Variants in EEF2K observed in about 807,000 individuals in gnomAD.
EEF2K encodes the protein eukaryotic elongation factor 2 kinase.
A neutral mutation model predicts 93.8 loss-of-function variants in EEF2K; 70 were observed. That is an observed-to-expected ratio of 0.75 (90% CI 0.62 to 0.91). EEF2K has a LOEUF of 0.91. Among genes scored for constraint, EEF2K ranks in the 40% least tolerant of loss-of-function variants. The pLI, the probability that EEF2K is intolerant of heterozygous loss-of-function variation, is 0.00. For synonymous variants in EEF2K, 376 were observed against 380.8 expected (o/e 0.99, Z 0.15); for missense variants, 935 against 972.9 (o/e 0.96, Z 0.52).
At chr16:22,250,747 A>G in intron 5 of EEF2K, 56 bp downstream of exon 5, 1 of 1,609,780 alleles carries the variant, frequency 6.2e-7, no homozygotes, top group Non-Finnish European at 8.5e-7. Context: ...CAGGCTCCTA[A>G]GAGCTGAGGC....
intron 1 of EEF2K, among the ~76,000 whole-genome samples, chr16:22,208,760 T>G (rs1278441769): frequency 1.3e-5 from 2 of 151,996 alleles, no homozygotes; most frequent in Admixed American, 6.6e-5. Context: ...AATCTCTGAT[T>G]TGCTTTTAAA....
intron 12 of EEF2K, among the ~76,000 whole-genome samples, chr16:22,263,480 A>G (rs993351033): frequency 6.6e-6 from 1 of 152,176 alleles, no homozygotes; most frequent in African/African-American, 2.4e-5. Flanking sequence ...ATGGTGGTGC[A>G]TGCCTGTAAT....
At chr16:22,210,042 G>A (rs1218458491) in intron 1 of EEF2K, among the ~76,000 whole-genome samples, 1 of 152,190 alleles carries the variant, frequency 6.6e-6, no homozygotes. Context: ...CGATTCTTCT[G>A]TCTGGGCCTC....
chr16:22,258,968 AAG>A (rs747709134), intron 10 of EEF2K: 13 of 373,574 alleles, frequency 3.5e-5, no homozygotes, highest in Admixed American at 2.6e-4. Flanking sequence ...CAAACTAAAA[AAG>A]AAAATTATAT....
At chr16:22,266,587 T>A (rs1313972552) in intron 14 of EEF2K, 63 bp downstream of exon 14, 1 of 1,600,580 alleles carries the variant, frequency 6.2e-7, no homozygotes, top group Admixed American at 1.7e-5. Flanking sequence ...AGCTCCAGCC[T>A]CTCCTCCGCT....
At chr16:22,248,933 G>A in intron 4 of EEF2K, 118 bp downstream of exon 4, 1 of 1,074,170 alleles carries the variant, frequency 9.3e-7, no homozygotes, top group Non-Finnish European at 1.3e-6. Flanking sequence ...TAACTTCGGG[G>A]GATTCTTTGT....
intron 6 of EEF2K, among the ~76,000 whole-genome samples, chr16:22,256,364 C>T (rs2047398611): frequency 6.6e-6 from 1 of 152,034 alleles, no homozygotes; most frequent in African/African-American, 2.4e-5. Flanking sequence ...TCCCAAAGGG[C>T]TGGGATTACA....
chr16:22,221,016 AGGTGGCTCT>A (rs1215243642), intron 1 of EEF2K, among the ~76,000 whole-genome samples: 1 of 152,252 alleles, frequency 6.6e-6, no homozygotes, highest in Non-Finnish European at 1.5e-5. Context: ...AAGCAGGATC[AGGTGGCTCT>A]GGCATTGGAT....
intron 6 of EEF2K, among the ~76,000 whole-genome samples, chr16:22,252,459 A>G (rs987852564): frequency 1.3e-5 from 2 of 152,154 alleles, no homozygotes; most frequent in Non-Finnish European, 2.9e-5. Context: ...AAAGTCCCAG[A>G]GCTGCGTTTC....
intron 1 of EEF2K, among the ~76,000 whole-genome samples, chr16:22,217,725 T>TA (rs1402262249): frequency 6.6e-6 from 1 of 152,122 alleles, no homozygotes; most frequent in Non-Finnish European, 1.5e-5. Flanking sequence ...AGTGTTGAGA[T>TA]TACAGGCGTG....
At chr16:22,269,733 T>C (rs1057377861) in intron 15 of EEF2K, among the ~76,000 whole-genome samples, 1 of 152,064 alleles carries the variant, frequency 6.6e-6, no homozygotes, top group Admixed American at 6.6e-5. Flanking sequence ...AAGGACCCTA[T>C]TTCCAAATCA....
rs746637404 is a variant in EEF2K, at chr16:22,266,529, C to T, written c.1575+5C>T. ...GGGAAGTCCATTTTGGGGAAGGTAT[C>T]GGCGATGCCCATTTTGGAGCCCTGT... is the stretch of plus-strand genomic sequence containing the variant. On this transcript the variant is annotated splice_donor_5th_base_variant and intron_variant, in intron 14 of 17. Coordinates refer to ENST00000263026, the MANE Select transcript of EEF2K (RefSeq NM_013302.5). 2.0e-5 allele frequency: 32 copies of T among 1,613,878 alleles called. No homozygotes were observed. Among genetic ancestry groups the T allele is most frequent in the Admixed American group, 1.0e-4 (6 of 59,966 alleles).
rs1045459898 is a variant in EEF2K, at chr16:22,284,642, G to A, written c.*646G>A. 6.6e-6 allele frequency: 1 copy of A among 150,462 alleles called. No individual in the cohort carries two copies. The highest frequency in any genetic ancestry group is 2.5e-5 in the African/African-American group (1 of 40,742). The allele number at this position is 150,462 out of a possible 1,614,324, so 9.3% of individuals were successfully genotyped here. A position where few individuals can be genotyped will look rare whatever the true frequency, so the allele number is the denominator to read the frequency against. Reference sequence around the variant, plus strand: ...TTTTTTTGTCACGAGATATAAGAAAGTGCTTTTTGCCTTGAATGGACAATT... The same window carrying A: ...TTTTTTTGTCACGAGATATAAGAAAATGCTTTTTGCCTTGAATGGACAATT... On this transcript the variant is annotated 3_prime_UTR_variant, in exon 18 of 18. Coordinates refer to ENST00000263026, the MANE Select transcript of EEF2K (RefSeq NM_013302.5).
intron 1 of EEF2K, among the ~76,000 whole-genome samples, chr16:22,220,412 G>A (rs1007537533): frequency 1.2e-4 from 18 of 151,884 alleles, no homozygotes; most frequent in African/African-American, 2.4e-5. Context: ...AGATTTGCTC[G>A]CTAGCAGCCC....
chr16:22,253,999 T>A (rs569787588), intron 6 of EEF2K, among the ~76,000 whole-genome samples: 1 of 152,226 alleles, frequency 6.6e-6, no homozygotes, highest in African/African-American at 2.4e-5. Context: ...CTTGGGAGGC[T>A]GAGGCAGGAG....
intron 2 of EEF2K, among the ~76,000 whole-genome samples, chr16:22,233,218 G>A (rs953110625): frequency 6.6e-6 from 1 of 152,182 alleles, no homozygotes; most frequent in South Asian, 2.1e-4. Context: ...TACAGCCAAG[G>A]CCTGAGGGGA....
At position 22,284,248 on chromosome 16, in the gene EEF2K, C is replaced by A; in HGVS notation, c.*252C>A. 1 of 453,462 alleles carries A rather than the reference C, an allele frequency of 2.2e-6. No individual in the cohort carries two copies. Among genetic ancestry groups the A allele is most frequent in the Non-Finnish European group, 4.0e-6 (1 of 249,918 alleles). 28.1% of individuals were successfully genotyped at this position (453,462 alleles called of 1,614,324 possible). A position where few individuals can be genotyped will look rare whatever the true frequency, so the allele number is the denominator to read the frequency against. ...GGCTTGAAGAAGCAGCCTAATGAACCAACATACCGTTTTGTGTGTGGTTTT... is the reference window on the plus strand; with the variant it reads ...GGCTTGAAGAAGCAGCCTAATGAACAAACATACCGTTTTGTGTGTGGTTTT... On this transcript the variant is annotated 3_prime_UTR_variant, in exon 18 of 18. Transcript: ENST00000263026.
chr16:22,262,577 A>G (rs1419847787), intron 11 of EEF2K, among the ~76,000 whole-genome samples: 2 of 152,112 alleles, frequency 1.3e-5, no homozygotes, highest in African/African-American at 4.8e-5. Flanking sequence ...TCCCAATGCT[A>G]TATTTTTGTC....
At chr16:22,267,867 TTGAA>T (rs1195920926) in intron 15 of EEF2K, among the ~76,000 whole-genome samples, 1 of 152,128 alleles carries the variant, frequency 6.6e-6, no homozygotes, top group Non-Finnish European at 1.5e-5. Context: ...GAGGAAAGGA[TTGAA>T]TGGGATCTGG....
Sources: allele counts gnomAD v4.1 joint callset (sites outside exome capture counted in the v4.1 genomes callset), GRCh38; gene constraint gnomAD v4.1.1; transcripts MANE v1.5; gene names NCBI Gene and HGNC (gene_info 2026-07-23, HGNC 2026-07-21).